SEMA6D: variants seen among roughly 807,000 people sequenced by gnomAD.
SEMA6D encodes the protein semaphorin 6D.
In SEMA6D, 35 loss-of-function variants were observed where a neutral mutation model predicts 106.6. That is an observed-to-expected ratio of 0.33 (90% CI 0.25 to 0.44). The LOEUF is 0.44. Ranked by LOEUF, SEMA6D falls within the 20% of genes least tolerant of loss-of-function variation. SEMA6D has a pLI of 1.00. For synonymous variants in SEMA6D, 499 were observed against 487.7 expected (o/e 1.02, Z -0.31); for missense variants, 1,185 against 1,345.9 (o/e 0.88, Z 1.87).
intron 1 of SEMA6D, among the ~76,000 whole-genome samples, chr15:47,202,295 T>A (rs1018109992): frequency 6.6e-6 from 1 of 151,994 alleles, no homozygotes; most frequent in African/African-American, 2.4e-5. Context: ...AATAAATAGA[T>A]ACAACTGAAA....
At position 47,633,994 on chromosome 15, in the gene SEMA6D, A is replaced by C. The variant is rs114591471; in HGVS notation, c.-55+33098A>C. Among the ~76,000 whole-genome samples the C allele has an allele frequency of 2.6e-3, 402 of 152,176 alleles. 7 individuals carry two copies. The highest frequency in any genetic ancestry group is 9.4e-3 in the African/African-American group (392 of 41,540). Reference sequence around the variant, plus strand: ...ATTCGGTCTTTTTAAAATAATTTCTATTCCTTTGCTGAGATTTTTTCCTTT... The same window carrying C: ...ATTCGGTCTTTTTAAAATAATTTCTCTTCCTTTGCTGAGATTTTTTCCTTT... On this transcript the variant is annotated intron_variant, in intron 4 of 19. Transcript: ENST00000558014.
chr15:47,580,399 C>T (rs1023232880), intron 3 of SEMA6D, among the ~76,000 whole-genome samples: 1 of 152,154 alleles, frequency 6.6e-6, no homozygotes, highest in Non-Finnish European at 1.5e-5. Context: ...AGACCTTCTC[C>T]CATGACTAGC....
At chr15:47,393,717 T>C (rs1283259492) in intron 1 of SEMA6D, among the ~76,000 whole-genome samples, 1 of 146,332 alleles carries the variant, frequency 6.8e-6, no homozygotes, top group Non-Finnish European at 1.5e-5. Context: ...TAAATGAAGG[T>C]CAAATTCTCA....
At chr15:47,412,079 C>A (rs2040817777) in intron 1 of SEMA6D, among the ~76,000 whole-genome samples, 1 of 151,970 alleles carries the variant, frequency 6.6e-6, no homozygotes, top group Non-Finnish European at 1.5e-5. Flanking sequence ...CCACAGAGAC[C>A]ATGTCCTGAT....
At chr15:47,426,727 A>T (rs2041351120) in intron 2 of SEMA6D, among the ~76,000 whole-genome samples, 1 of 152,182 alleles carries the variant, frequency 6.6e-6, no homozygotes, top group East Asian at 1.9e-4. Context: ...TACATATATA[A>T]TACCAAATAT....
chr15:47,404,059 A>G (rs1010486633), intron 1 of SEMA6D, among the ~76,000 whole-genome samples: 5 of 152,246 alleles, frequency 3.3e-5, no homozygotes, highest in African/African-American at 1.2e-4. Context: ...TTTGTGTCTG[A>G]TAACTCCTGA....
At chr15:47,336,994 G>T (rs1386079849) in intron 1 of SEMA6D, among the ~76,000 whole-genome samples, 9 of 152,076 alleles carry the variant, frequency 5.9e-5, no homozygotes, top group Non-Finnish European at 1.2e-4. Context: ...CTGTGTTTGG[G>T]TTTTTACTGA....
At chr15:47,224,956 T>C (rs2031526803) in intron 1 of SEMA6D, among the ~76,000 whole-genome samples, 1 of 151,826 alleles carries the variant, frequency 6.6e-6, no homozygotes, top group African/African-American at 2.4e-5. Flanking sequence ...TAGCAGCAGA[T>C]CCTTGTTCTG....
At chr15:47,451,066 T>C (rs1277242556) in intron 2 of SEMA6D, among the ~76,000 whole-genome samples, 1 of 152,120 alleles carries the variant, frequency 6.6e-6, no homozygotes, top group African/African-American at 2.4e-5. Flanking sequence ...TCAACAACCC[T>C]GCTTTGCAGC....
chr15:47,495,930 G>C (rs1268693962), intron 3 of SEMA6D, among the ~76,000 whole-genome samples: 1 of 151,882 alleles, frequency 6.6e-6, no homozygotes, highest in South Asian at 2.1e-4. Context: ...ACTCTTAAAA[G>C]GTTAATCACA....
At chr15:47,617,866 C>T (rs78522113) in intron 4 of SEMA6D, among the ~76,000 whole-genome samples, 2,616 of 152,284 alleles carry the variant, frequency 0.017, 77 homozygotes, top group African/African-American at 0.06. Context: ...ATTAGTTACT[C>T]TTAACATCTC....
intron 1 of SEMA6D, chr15:47,380,723 C>G: frequency 6.6e-6 from 1 of 152,252 alleles, no homozygotes; most frequent in East Asian, 1.9e-4. Flanking sequence ...AAGGAGAGAA[C>G]TTAACATGTG....
At chr15:47,442,878 A>G (rs1181292167) in intron 2 of SEMA6D, among the ~76,000 whole-genome samples, 2 of 152,224 alleles carry the variant, frequency 1.3e-5, no homozygotes, top group East Asian at 3.9e-4. Context: ...CCTAAAATCT[A>G]TAGATTTCTA....
intron 1 of SEMA6D, among the ~76,000 whole-genome samples, chr15:47,331,646 A>G (rs1342723951): frequency 6.6e-6 from 1 of 152,152 alleles, no homozygotes; most frequent in Non-Finnish European, 1.5e-5. Flanking sequence ...AAATAACAGT[A>G]TCTTTGGATG....
chr15:47,283,386 T>C (rs1401771751), intron 1 of SEMA6D, among the ~76,000 whole-genome samples: 1 of 152,196 alleles, frequency 6.6e-6, no homozygotes, highest in African/African-American at 2.4e-5. Flanking sequence ...TTGCGAACTC[T>C]AGGCACATAC....
chr15:47,227,998 A>ATT (rs1268820998), intron 1 of SEMA6D, among the ~76,000 whole-genome samples: 1 of 114,754 alleles, frequency 8.7e-6, no homozygotes, highest in Non-Finnish European at 1.9e-5. Flanking sequence ...ATTCTTATAT[A>ATT]TTTTATATAT....
chr15:47,765,177 GT>G lies in SEMA6D; in HGVS notation c.1427+129del, dbSNP rs370632184. The G allele has an allele frequency of 1.3e-4, 180 of 1,438,568 alleles. No individual in the cohort carries two copies. The East Asian group carries it at 3.5e-3, about 28-fold the overall frequency. The allele number at this position is 1,438,568 out of a possible 1,614,324, so 89.1% of individuals were successfully genotyped here. On this transcript the variant is annotated intron_variant, in intron 13 of 18. Transcript: ENST00000536845. Reference sequence around the variant, plus strand: ...GTGGTTTGGCATAATAGTGTTTTGTGTTTTTTTTCTCATTGAAATAAATCTT... The same window carrying G: ...GTGGTTTGGCATAATAGTGTTTTGTGTTTTTTTCTCATTGAAATAAATCTT...
At chr15:47,452,507 A>G (rs1418528264) in intron 2 of SEMA6D, among the ~76,000 whole-genome samples, 1 of 152,042 alleles carries the variant, frequency 6.6e-6, no homozygotes, top group African/African-American at 2.4e-5. Flanking sequence ...ATAAGACCAC[A>G]TGCAATTAGT....
In SEMA6D at chr15:47,266,122, C is replaced by A. The variant is rs191165899; in HGVS notation, c.-239+81704C>A. On this transcript the variant is annotated intron_variant, in intron 1 of 19. Coordinates refer to the SEMA6D transcript ENST00000558014. Reference sequence around the variant, plus strand: ...GATCTGATCCCAGCAGGGCTCTTCCCTGTTGTCACTTTTCCCCATTCTGAC... The same window carrying A: ...GATCTGATCCCAGCAGGGCTCTTCCATGTTGTCACTTTTCCCCATTCTGAC... Among the ~76,000 whole-genome samples the A allele has an allele frequency of 5.9e-4, 90 of 152,258 alleles. 1 individual carries two copies. In the East Asian group the frequency reaches 0.012, roughly 20 times the overall value.
Sources: gnomAD v4.1 joint callset for allele counts (sites outside exome capture counted in the v4.1 genomes callset) on GRCh38, gnomAD v4.1.1 for gene constraint, MANE v1.5 for transcripts, NCBI Gene and HGNC (gene_info 2026-07-23, HGNC 2026-07-21) for gene names.